The following LETM1 variants were observed in gnomAD, a reference collection of about 807,000 sequenced individuals.
LETM1 encodes mitochondrial proton/calcium exchanger protein.
Under a neutral mutation model 74.5 loss-of-function variants are expected in LETM1, and 50 were observed. The observed-to-expected ratio is 0.67, with a 90% CI of 0.53 to 0.85. The LOEUF (loss-of-function observed/expected upper bound fraction) is 0.85, where lower values mean the gene tolerates loss of function less well. LETM1 is among the 40% of genes least tolerant of loss of function. LETM1 has a pLI of 0.00. For synonymous variants in LETM1, 446 were observed against 407.1 expected, an observed-to-expected ratio of 1.10 and a Z score of -1.15; for missense variants, 824 against 967.8, an observed-to-expected ratio of 0.85 and a Z score of 1.97.
intron 11 of LETM1, among the ~76,000 whole-genome samples, chr4:1,817,658 A>G (rs1711623495): frequency 6.6e-6 from 1 of 152,236 alleles, no homozygotes; most frequent in South Asian, 2.1e-4. Context: ...TATCATACAA[A>G]TTTCTTATTT....
At chr4:1,824,977 G>C (rs1711932153) in intron 7 of LETM1, among the ~76,000 whole-genome samples, 1 of 152,260 alleles carries the variant, frequency 6.6e-6, no homozygotes, top group Admixed American at 6.5e-5. Context: ...GGAGGAGGAT[G>C]ACTGCCAACA....
At chr4:1,850,000 C>G (rs1053543945) in intron 1 of LETM1, among the ~76,000 whole-genome samples, 2 of 152,124 alleles carry the variant, frequency 1.3e-5, no homozygotes, top group East Asian at 3.9e-4. Context: ...ACTAAAAATA[C>G]AAAATTAGCC....
At chr4:1,855,505 G>C (rs902259596) in intron 1 of LETM1, among the ~76,000 whole-genome samples, 1 of 152,252 alleles carries the variant, frequency 6.6e-6, no homozygotes, top group Non-Finnish European at 1.5e-5. Context: ...TCGTCTCCGG[G>C]ACCCCAAACG....
chr4:1,819,489 C>G lies in LETM1; in HGVS notation c.1609-17G>C. On this transcript the variant is annotated splice_polypyrimidine_tract_variant and intron_variant, in intron 10 of 13. Coordinates refer to ENST00000302787, the MANE Select transcript of LETM1 (RefSeq NM_012318.3). ...CTCTTCCTCCTGGGATAAAAATGGG[C>G]AAACAACAAAGCCTGAGCCAAGGGA... 1.2e-6 allele frequency: 2 copies of G among 1,607,078 alleles called. No homozygotes were observed. The highest frequency in any genetic ancestry group is 1.7e-5 in the Admixed American group (1 of 59,092).
At chr4:1,820,229 C>T (rs1711730490) in intron 10 of LETM1, among the ~76,000 whole-genome samples, 1 of 152,176 alleles carries the variant, frequency 6.6e-6, no homozygotes. Flanking sequence ...GGCCCCGCGC[C>T]CAGCCTCTCT....
chr4:1,828,515 C>CT (rs1712108046), intron 6 of LETM1, among the ~76,000 whole-genome samples: 1 of 128,360 alleles, frequency 7.8e-6, no homozygotes, highest in Admixed American at 7.1e-5. Flanking sequence ...CTGACCCCCC[C>CT]CCCCACCTCC....
At chr4:1,854,827 A>T (rs1358353092) in intron 1 of LETM1, among the ~76,000 whole-genome samples, 1 of 152,062 alleles carries the variant, frequency 6.6e-6, no homozygotes, top group East Asian at 1.9e-4. Context: ...AAAAAAAACA[A>T]GAATTGGGAG....
chr4:1,851,713 G>A (rs541533128), intron 1 of LETM1, among the ~76,000 whole-genome samples: 6 of 152,268 alleles, frequency 3.9e-5, no homozygotes, highest in African/African-American at 7.2e-5. Context: ...CGCATTCTCC[G>A]CTATCCTCCC....
chr4:1,834,752 G>C lies in LETM1; in HGVS notation c.876+93C>G. The C allele has an allele frequency of 6.4e-7, 1 of 1,552,724 alleles. No individual in the cohort carries two copies. Among genetic ancestry groups the C allele is most frequent in the South Asian group, 1.2e-5 (1 of 81,680 alleles). On this transcript the variant is annotated intron_variant, in intron 5 of 13. Transcript: ENST00000302787. This position sits in a 1 kb window ranked among gnomAD's most constrained non-coding sequence, Gnocchi z 5.0. ...TTTCAAGCGCCAGCCAGCACCTGGGGGAGCTCCACTCTGCTGAGCACAGCG... is the reference window on the plus strand; with the variant it reads ...TTTCAAGCGCCAGCCAGCACCTGGGCGAGCTCCACTCTGCTGAGCACAGCG...
chr4:1,826,239 G>A (rs964482411), intron 6 of LETM1, among the ~76,000 whole-genome samples: 33 of 152,202 alleles, frequency 2.2e-4, no homozygotes, highest in African/African-American at 7.7e-4. Context: ...CTAGGCAGAT[G>A]CCGGCAACAG....
At position 1,816,734 on chromosome 4, in the gene LETM1, G is replaced by A. The variant is rs1711582285; in HGVS notation, c.1924C>T (p.Pro642Ser). The change falls in exon 12 of 14, where the codon CCC becomes TCC. Residue 642 changes from proline (P) to serine (S), a missense_variant. By Grantham distance (74) the Pro-to-Ser change is moderately conservative. Transcript: ENST00000302787. ...AGKLAPANGM[P>S]TGENVISVAE... ...GCCCACCACCCCACTCACCCCGTGG[G>A]CATGCCGTTGGCCGGGGCCAGCTTG... 9 of 1,613,906 alleles carry A rather than the reference G, an allele frequency of 5.6e-6. No homozygotes were observed. Among genetic ancestry groups the A allele is most frequent in the Non-Finnish European group, 7.6e-6 (9 of 1,179,852 alleles).
intron 6 of LETM1, among the ~76,000 whole-genome samples, chr4:1,827,403 G>T (rs1216768725): frequency 8.0e-6 from 1 of 124,438 alleles, no homozygotes; most frequent in Non-Finnish European, 1.7e-5. Context: ...GTGAACAAAG[G>T]TCTCTGGTTT....
chr4:1,850,463 C>G (rs970566696), intron 1 of LETM1, among the ~76,000 whole-genome samples: 2 of 151,938 alleles, frequency 1.3e-5, no homozygotes, highest in African/African-American at 2.4e-5. Context: ...TGCAGACAGC[C>G]CTATAGAGCA....
chr4:1,848,886 G>C (rs1316308458), intron 2 of LETM1, among the ~76,000 whole-genome samples: 2 of 152,096 alleles, frequency 1.3e-5, no homozygotes, highest in Non-Finnish European at 2.9e-5. Context: ...TTTAATTCCT[G>C]TTAGGGGACA....
In LETM1 at chr4:1,834,968, C is replaced by A; in HGVS notation, c.753G>T (p.Lys251Asn). Residue 251 changes from lysine to asparagine, a missense_variant, in exon 5 of 14, where the codon AAG becomes AAT. By Grantham distance (94) the Lys-to-Asn change is moderately conservative. Transcript: ENST00000302787. This position sits in a 1 kb window ranked among gnomAD's most constrained non-coding sequence, Gnocchi z 5.0. ...GCTCCAGCTTGACCCGAAGCTCCTT[C>A]TTCAGCCTCTCCTCCTGCAAGGGCA... ...ETQSLKEERLKKELRVKLELA... is the reference protein window; with the variant it reads ...ETQSLKEERLNKELRVKLELA... The A allele has an allele frequency of 6.2e-7, 1 of 1,614,072 alleles. No homozygotes were observed. The highest frequency in any genetic ancestry group is 2.2e-5 in the East Asian group (1 of 44,888).
intron 2 of LETM1, chr4:1,846,753 C>G (rs1021407290): frequency 1.3e-5 from 2 of 152,278 alleles, no homozygotes; most frequent in East Asian, 3.9e-4. Flanking sequence ...TACAGCTGTT[C>G]TGACACAGAT....
chr4:1,823,595 G>A, intron 8 of LETM1, 49 bp downstream of exon 8: 9 of 1,608,070 alleles, frequency 5.6e-6, no homozygotes, highest in Non-Finnish European at 7.6e-6. Flanking sequence ...CAGAAGAGCG[G>A]AGCCACCTAT....
chr4:1,832,618 T>C (rs1712315660), intron 6 of LETM1, 126 bp downstream of exon 6: 1 of 863,386 alleles, frequency 1.2e-6, no homozygotes, highest in Non-Finnish European at 1.8e-6. Flanking sequence ...GCAAGACTCC[T>C]AGTGAGCTTA....
At chr4:1,815,838 G>A in intron 12 of LETM1, 36 bp from the exon 13 acceptor site, 1 of 1,607,682 alleles carries the variant, frequency 6.2e-7, no homozygotes, top group Non-Finnish European at 8.5e-7. Context: ...CCACGGGCAG[G>A]CGTCCTGCCA....
Sources: allele counts gnomAD v4.1 joint callset (sites outside exome capture counted in the v4.1 genomes callset), GRCh38; gene constraint gnomAD v4.1.1; non-coding constraint Gnocchi (gnomAD v3.1); transcripts MANE v1.5; gene names NCBI Gene and HGNC (gene_info 2026-07-23, HGNC 2026-07-21).